The following CACNA2D3 variants were observed in gnomAD, a reference collection of about 807,000 sequenced individuals.
The protein encoded by CACNA2D3 is calcium voltage-gated channel auxiliary subunit alpha2delta 3.
CACNA2D3 carries 60 observed loss-of-function variants against 160.6 expected under a neutral mutation model. The ratio of observed to expected loss-of-function variants is 0.37; its 90% CI spans 0.30 to 0.46. The LOEUF (loss-of-function observed/expected upper bound fraction) is 0.46, where lower values mean the gene tolerates loss of function less well. Ranked by LOEUF, CACNA2D3 falls within the 20% of genes least tolerant of loss-of-function variation. The pLI is 1.00. For missense variants in CACNA2D3, 1,205 were observed against 1,365.0 expected, an observed-to-expected ratio of 0.88 and a Z score of 1.85; for synonymous variants, 558 against 492.9, an observed-to-expected ratio of 1.13 and a Z score of -1.75.
At chr3:54,290,063 C>G (rs1399934609) in intron 2 of CACNA2D3, among the ~76,000 whole-genome samples, 3 of 151,552 alleles carry the variant, frequency 2.0e-5, no homozygotes, top group Middle Eastern at 3.4e-3. Context: ...CAAATGGGAT[C>G]TAATTAAACT....
intron 31 of CACNA2D3, among the ~76,000 whole-genome samples, chr3:54,997,788 C>T (rs887897909): frequency 1.3e-5 from 2 of 152,108 alleles, no homozygotes; most frequent in Non-Finnish European, 2.9e-5. Context: ...GGGCAGCCAA[C>T]GTTGAGAATC....
At chr3:54,872,360 G>C (rs543197235) in intron 18 of CACNA2D3, among the ~76,000 whole-genome samples, 1 of 152,196 alleles carries the variant, frequency 6.6e-6, no homozygotes, top group Admixed American at 6.5e-5. Flanking sequence ...AACTTCCCAG[G>C]TGTTTCCATC....
chr3:54,204,796 G>GAAAAAAAAAAAAAAAAA (rs57129457), intron 2 of CACNA2D3, among the ~76,000 whole-genome samples: 79 of 74,012 alleles, frequency 1.1e-3, no homozygotes, highest in Non-Finnish European at 1.9e-3. Context: ...ATGCTGTCTT[G>GAAAAAAAAAAAAAAAAA]AAAAAAAAAA....
At chr3:54,910,326 T>A (rs1467689565) in intron 27 of CACNA2D3, among the ~76,000 whole-genome samples, 1 of 152,206 alleles carries the variant, frequency 6.6e-6, no homozygotes, top group African/African-American at 2.4e-5. Flanking sequence ...ATTATTTTAT[T>A]TGTGTGATGC....
At chr3:54,203,996 A>G (rs765250902) in intron 2 of CACNA2D3, among the ~76,000 whole-genome samples, 4 of 151,716 alleles carry the variant, frequency 2.6e-5, no homozygotes, top group Non-Finnish European at 5.9e-5. Flanking sequence ...GCCCTTCTCT[A>G]CTGTGCACTT....
At chr3:54,317,174 T>G (rs1044147445) in intron 2 of CACNA2D3, among the ~76,000 whole-genome samples, 1 of 152,314 alleles carries the variant, frequency 6.6e-6, no homozygotes, top group Non-Finnish European at 1.5e-5. Context: ...TGGCTTCCAT[T>G]TGAACTTAGG....
intron 2 of CACNA2D3, among the ~76,000 whole-genome samples, chr3:54,127,139 A>G (rs553300640): frequency 2.6e-5 from 4 of 152,340 alleles, no homozygotes; most frequent in East Asian, 3.9e-4. Context: ...CGGGGAACCA[A>G]TGTTCACGGG....
chr3:55,044,296 G>A (rs1191200170), intron 35 of CACNA2D3, among the ~76,000 whole-genome samples: 1 of 152,038 alleles, frequency 6.6e-6, no homozygotes, highest in Non-Finnish European at 1.5e-5. Flanking sequence ...GTATTCTATA[G>A]TTTTCAATAT....
At chr3:54,369,519 T>A (rs1698886702) in intron 3 of CACNA2D3, among the ~76,000 whole-genome samples, 1 of 152,214 alleles carries the variant, frequency 6.6e-6, no homozygotes, top group East Asian at 1.9e-4. Context: ...CTGACCACCC[T>A]GGATCACCTT....
chr3:54,197,676 C>T (rs1701106046), intron 2 of CACNA2D3, among the ~76,000 whole-genome samples: 1 of 152,148 alleles, frequency 6.6e-6, no homozygotes, highest in Non-Finnish European at 1.5e-5. Flanking sequence ...AGGAACTTGG[C>T]ACCTTTTGGG....
intron 13 of CACNA2D3, among the ~76,000 whole-genome samples, chr3:54,812,191 C>G (rs1703335647): frequency 6.6e-6 from 1 of 152,138 alleles, no homozygotes; most frequent in African/African-American, 2.4e-5. Context: ...TTATGCATAC[C>G]TCATTGGCCA....
At chr3:54,487,293 A>G (rs1701029840) in intron 4 of CACNA2D3, among the ~76,000 whole-genome samples, 1 of 152,154 alleles carries the variant, frequency 6.6e-6, no homozygotes, top group East Asian at 1.9e-4. Flanking sequence ...GCTTGAGCCC[A>G]GGAGGTTGAG....
intron 9 of CACNA2D3, among the ~76,000 whole-genome samples, chr3:54,607,833 C>T (rs1308731651): frequency 6.6e-6 from 1 of 152,126 alleles, no homozygotes; most frequent in Non-Finnish European, 1.5e-5. Context: ...ACCCAAGTTT[C>T]CTTCAGCACG....
intron 8 of CACNA2D3, among the ~76,000 whole-genome samples, chr3:54,570,914 C>A (rs1425131374): frequency 6.6e-6 from 1 of 152,084 alleles, no homozygotes; most frequent in Non-Finnish European, 1.5e-5. Flanking sequence ...ATATGAGTGA[C>A]CATGGCCTGT....
At chr3:55,015,719 C>T (rs1703313252) in intron 34 of CACNA2D3, among the ~76,000 whole-genome samples, 1 of 152,138 alleles carries the variant, frequency 6.6e-6, no homozygotes, top group African/African-American at 2.4e-5. Context: ...AAATTGTAGC[C>T]AGATCCTATG....
At chr3:54,988,243 G>A (rs1702660346) in intron 31 of CACNA2D3, among the ~76,000 whole-genome samples, 1 of 152,222 alleles carries the variant, frequency 6.6e-6, no homozygotes, top group African/African-American at 2.4e-5. Context: ...GTAAGTTTAA[G>A]TCTGCTTCTG....
intron 4 of CACNA2D3, among the ~76,000 whole-genome samples, chr3:54,481,217 C>T (rs180925839): frequency 1.3e-5 from 2 of 152,296 alleles, no homozygotes; most frequent in East Asian, 3.9e-4. Flanking sequence ...GTTGAGAAGC[C>T]ACACATGTAT....
chr3:54,181,828 G>GAT (rs1354645847), intron 2 of CACNA2D3, among the ~76,000 whole-genome samples: 1 of 152,168 alleles, frequency 6.6e-6, no homozygotes, highest in African/African-American at 2.4e-5. Context: ...GTTTTCTTGT[G>GAT]ATAGGACCCC....
chr3:54,198,426 C>T (rs982470309), intron 2 of CACNA2D3, among the ~76,000 whole-genome samples: 7 of 152,228 alleles, frequency 4.6e-5, no homozygotes, highest in African/African-American at 1.4e-4. Flanking sequence ...CGAATATTTC[C>T]GTATACCAGC....
Sources: gnomAD v4.1 joint callset for allele counts (sites outside exome capture counted in the v4.1 genomes callset) on GRCh38, gnomAD v4.1.1 for gene constraint, MANE v1.5 for transcripts, NCBI Gene and HGNC (gene_info 2026-07-23, HGNC 2026-07-21) for gene names.